The following F5 variants were observed in gnomAD, a reference collection of about 807,000 sequenced individuals.
F5 encodes the protein coagulation factor V.
F5 carries 138 observed loss-of-function variants against 216.4 expected under a neutral mutation model. The ratio of observed to expected loss-of-function variants is 0.64; its 90% confidence interval spans 0.56 to 0.73. The LOEUF (loss-of-function observed/expected upper bound fraction) is 0.73. F5 is among the 30% of genes least tolerant of loss of function. The pLI is 0.00. For missense variants in F5, 2,403 were observed against 2,674.0 expected (o/e 0.90, Z 2.24); for synonymous variants, 916 against 930.7 (o/e 0.98, Z 0.29).
intron 4 of F5, 47 bp downstream of exon 4, chr1:169,560,507 C>G (rs751612375): frequency 1.9e-6 from 3 of 1,587,076 alleles, no homozygotes; most frequent in Non-Finnish European, 2.6e-6. Context: ...GAACTCCTGA[C>G]CATTCCAACA....
rs1660148483 is a variant in F5, at chr1:169,550,723, A to G, written c.1313T>C (p.Met438Thr). The change falls in exon 9 of 25, where the codon ATG (methionine) becomes ACG (threonine). Residue 438 changes from methionine to threonine, a missense_variant. Coordinates refer to ENST00000367797, the MANE Select transcript of F5 (RefSeq NM_000130.5). ...RDTLKIVFKN[M>T]ASRPYSIYPH... ...GTAAATGCTATAGGGGCGGCTGGCC[A>G]TATTTTTGAACACGATCTACAAAGT... 3 of 1,613,622 alleles carry G rather than the reference A, an allele frequency of 1.9e-6. No homozygotes were observed. Among genetic ancestry groups the G allele is most frequent in the South Asian group, 1.1e-5 (1 of 91,078 alleles).
chr1:169,544,570 T>C lies in F5; in HGVS notation c.1763-62A>G. Reference sequence around the variant, plus strand: ...GCCAACAAAAGGGCATGTGTCTAATTATACCTAAGATAAATGTCTCCATGT... The same window carrying C: ...GCCAACAAAAGGGCATGTGTCTAATCATACCTAAGATAAATGTCTCCATGT... On this transcript the variant is annotated intron_variant, in intron 11 of 24. Transcript: ENST00000367797. 7 of 1,332,126 alleles carry C rather than the reference T, an allele frequency of 5.3e-6. No homozygotes were observed. In the South Asian group the frequency reaches 8.5e-5, roughly 16 times the overall value. The allele number at this position is 1,332,126 out of a possible 1,614,324, so 82.5% of individuals were successfully genotyped here. A position where few individuals can be genotyped will look rare whatever the true frequency, so the allele number is the denominator to read the frequency against.
At chr1:169,559,324 A>G (rs764439318) in intron 4 of F5, 28 bp from the exon 5 acceptor site, 2 of 1,612,734 alleles carry the variant, frequency 1.2e-6, no homozygotes, top group South Asian at 2.2e-5. Flanking sequence ...TGTTTTCAGT[A>G]GCACTGCAGA....
At chr1:169,560,923 T>G (rs1303157450) in intron 3 of F5, among the ~76,000 whole-genome samples, 157 bp from the exon 4 acceptor site, 4 of 152,168 alleles carry the variant, frequency 2.6e-5, no homozygotes, top group Non-Finnish European at 5.9e-5. Context: ...ATATGCCCAT[T>G]TCTATGCTCA....
chr1:169,541,266 G>T lies in F5; in HGVS notation c.3824C>A (p.Pro1275His). The change falls in exon 13 of 25, where the codon CCC (proline) becomes CAC (histidine). Residue 1275 changes from proline (P) to histidine (H), a missense_variant. Around this residue, in one of 4 missense-constraint regions of F5, gnomAD observed 1,425 missense variants for 1,554.8 expected, o/e 0.92. Coordinates refer to ENST00000367797, the MANE Select transcript of F5 (RefSeq NM_000130.5). ...TNLSPALGQM[P>H]LSPDLSHTTL... is the part of the protein sequence containing the mutation. ...TGTATGGCTGAGGTCTGGAGAAAGG[G>T]GCATCTGACCGAGGGCTGGAGAAAG... 3 of 1,537,940 alleles carry T rather than the reference G, an allele frequency of 2.0e-6. No homozygotes were observed. Among genetic ancestry groups the T allele is most frequent in the Non-Finnish European group, 2.7e-6 (3 of 1,131,826 alleles).
intron 20 of F5, 124 bp from the exon 21 acceptor site, chr1:169,523,476 G>C (rs1331036750): frequency 1.8e-6 from 2 of 1,128,672 alleles, no homozygotes; most frequent in East Asian, 2.5e-5. Flanking sequence ...TTAGCAAACT[G>C]ATACAATGAC....
chr1:169,576,946 C>T (rs1053476971), intron 2 of F5, among the ~76,000 whole-genome samples: 2 of 152,180 alleles, frequency 1.3e-5, no homozygotes, highest in Non-Finnish European at 2.9e-5. Context: ...ATTCAACCTC[C>T]CCTCCTGCTT....
At chr1:169,571,777 A>G (rs1489242522) in intron 3 of F5, among the ~76,000 whole-genome samples, 2 of 152,284 alleles carry the variant, frequency 1.3e-5, no homozygotes, top group African/African-American at 4.8e-5. Context: ...CCAAAGCCAA[A>G]AAAATAGGTA....
In F5 at chr1:169,523,334, C is replaced by G. The variant is rs1249393533; in HGVS notation, c.5911G>C (p.Val1971Leu). 13 of 1,613,958 alleles carry G rather than the reference C, an allele frequency of 8.1e-6. No individual in the cohort carries two copies. The highest frequency in any genetic ancestry group is 1.1e-5 in the Non-Finnish European group (13 of 1,179,974). Reference protein sequence around the residue: ...PWIQVDMQKEVIITGIQTQGA... With the variant: ...PWIQVDMQKELIITGIQTQGA... ...TGGGTCTGGATCCCTGTGATTATGACTTCCTTTTGCATGTCCACCTGCAAT... is the reference window on the plus strand; with the variant it reads ...TGGGTCTGGATCCCTGTGATTATGAGTTCCTTTTGCATGTCCACCTGCAAT... The change falls in exon 21 of 25, where the codon GTC becomes CTC. Residue 1971 changes from valine to leucine, a missense_variant. Val to Leu is a conservative substitution (Grantham distance 32, BLOSUM62 1). Transcript: ENST00000367797.
At position 169,552,532 on chromosome 1, in the gene F5, A is replaced by G. The variant is rs200834837; in HGVS notation, c.1296+25T>C. 16 of 1,598,202 alleles carry G rather than the reference A, an allele frequency of 1.0e-5. No homozygotes were observed. The African/African-American group carries it at 2.1e-4, about 21-fold the overall frequency. ...AATATTTTACTATGTAATTTCTCCC[A>G]TGATTCTGTATTTGTGTTACTTACT... On this transcript the variant is annotated intron_variant, in intron 8 of 24. Coordinates refer to ENST00000367797, the MANE Select transcript of F5 (RefSeq NM_000130.5).
intron 6 of F5, 99 bp downstream of exon 6, chr1:169,556,547 G>T: frequency 8.9e-7 from 1 of 1,119,346 alleles, no homozygotes; most frequent in Non-Finnish European, 1.3e-6. Flanking sequence ...TTTGTCTGCG[G>T]TGCAGGTGGC....
intron 8 of F5, among the ~76,000 whole-genome samples, chr1:169,552,235 A>C (rs1411702352): frequency 1.3e-5 from 2 of 152,146 alleles, no homozygotes; most frequent in South Asian, 4.1e-4. Flanking sequence ...GACTGCCATA[A>C]AGCTTAGGAC....
chr1:169,569,712 C>T (rs1436831325), intron 3 of F5, among the ~76,000 whole-genome samples: 2 of 151,958 alleles, frequency 1.3e-5, no homozygotes, highest in African/African-American at 2.4e-5. Context: ...TACAAATCAC[C>T]GTTTGTCCAT....
At chr1:169,557,419 C>T (rs1192091072) in intron 5 of F5, among the ~76,000 whole-genome samples, 1 of 152,100 alleles carries the variant, frequency 6.6e-6, no homozygotes, top group African/African-American at 2.4e-5. Flanking sequence ...TGAGGATTTT[C>T]AATTGTTATT....
intron 3 of F5, among the ~76,000 whole-genome samples, chr1:169,567,274 C>T (rs1461553701): frequency 1.3e-5 from 2 of 151,912 alleles, no homozygotes; most frequent in Non-Finnish European, 2.9e-5. Flanking sequence ...GGGAGATATA[C>T]CTAATGCTAG....
chr1:169,559,793 A>C (rs6427203), intron 4 of F5, among the ~76,000 whole-genome samples: 49,027 of 152,016 alleles, frequency 0.32, 10,504 homozygotes, highest in East Asian at 0.65. Context: ...GTAAGTTTTA[A>C]GGTTTTTTTC....
At chr1:169,567,542 CT>C (rs35544182) in intron 3 of F5, among the ~76,000 whole-genome samples, 54,094 of 141,268 alleles carry the variant, frequency 0.38, 11,567 homozygotes, top group East Asian at 0.65. Flanking sequence ...GGTAAAAGTA[CT>C]TTTTTTTTTT....
At chr1:169,546,984 G>T (rs78689022) in intron 10 of F5, among the ~76,000 whole-genome samples, 1 of 71,192 alleles carries the variant, frequency 1.4e-5, no homozygotes, top group African/African-American at 5.6e-5. Flanking sequence ...AAAAAAAAAA[G>T]AAAAGAAAAG....
At chr1:169,529,887 T>C (rs1659552341) in intron 15 of F5, 69 bp from the exon 16 acceptor site, 2 of 1,341,506 alleles carry the variant, frequency 1.5e-6, no homozygotes, top group Non-Finnish European at 2.1e-6. Context: ...TAATCACTCA[T>C]CATATAGAAA....
Sources: gnomAD v4.1 joint callset for allele counts (sites outside exome capture counted in the v4.1 genomes callset) on GRCh38, gnomAD v4.1.1 for gene constraint, gnomAD v4.1.1 regional missense constraint, MANE v1.5 for transcripts, NCBI Gene and HGNC (gene_info 2026-07-23, HGNC 2026-07-21) for gene names.